The following GRID2 variants were observed in gnomAD, a reference collection of about 807,000 sequenced individuals.
GRID2 encodes glutamate ionotropic receptor delta type subunit 2, also known as glutamate receptor ionotropic, delta-2.
GRID2 carries 33 observed loss-of-function variants against 114.8 expected under a neutral mutation model. The observed-to-expected ratio is 0.29, with a 90% CI of 0.22 to 0.38. The LOEUF (loss-of-function observed/expected upper bound fraction) is 0.38. GRID2 is among the 10% of genes least tolerant of loss of function. The pLI is 1.00. For synonymous variants in GRID2, 505 were observed against 449.9 expected (o/e 1.12, Z -1.55); for missense variants, 1,184 against 1,257.7 (o/e 0.94, Z 0.89).
chr4:93,614,469 A>T (rs1741374262), intron 13 of GRID2, among the ~76,000 whole-genome samples: 2 of 152,226 alleles, frequency 1.3e-5, no homozygotes, highest in South Asian at 4.1e-4. Context: ...ATCAGATCAA[A>T]ACCCATAAAA....
intron 1 of GRID2, among the ~76,000 whole-genome samples, chr4:92,471,926 CTT>C (rs1186215701): frequency 1.0e-3 from 60 of 57,338 alleles, no homozygotes; most frequent in African/African-American, 4.3e-3. Context: ...ATCCATATTT[CTT>C]TTTTTTTTTT....
At chr4:92,562,866 T>G (rs1727163486) in intron 1 of GRID2, among the ~76,000 whole-genome samples, 1 of 152,166 alleles carries the variant, frequency 6.6e-6, no homozygotes, top group Admixed American at 6.6e-5. Context: ...CCTGGCAGAG[T>G]GCCCTGATGC....
At chr4:93,253,033 A>C (rs970678625) in intron 8 of GRID2, among the ~76,000 whole-genome samples, 1 of 151,776 alleles carries the variant, frequency 6.6e-6, no homozygotes, top group Non-Finnish European at 1.5e-5. Context: ...GCAGATCACG[A>C]GGTCAGGAGA....
In GRID2 at chr4:93,439,840, T is replaced by C. The variant is rs536509490; in HGVS notation, c.1546-15822T>C. On this transcript the variant is annotated intron_variant, in intron 10 of 15. Coordinates refer to ENST00000282020, the MANE Select transcript of GRID2 (RefSeq NM_001510.4). ...TGGAGAGGGGCATGCCAGGGGCAGT[T>C]GGGAAGGATCAGGCATTCTTCCCAT... Among the ~76,000 whole-genome samples the C allele has an allele frequency of 9.9e-4, 151 of 152,130 alleles. 1 individual carries two copies. The highest frequency in any genetic ancestry group is 3.6e-3 in the African/African-American group (149 of 41,522).
At chr4:93,195,464 A>G (rs1448767532) in intron 4 of GRID2, among the ~76,000 whole-genome samples, 1 of 151,906 alleles carries the variant, frequency 6.6e-6, no homozygotes, top group Non-Finnish European at 1.5e-5. Context: ...TTCCAGCTCC[A>G]CTGTTTGAGA....
chr4:92,989,745 T>C (rs565913965), intron 2 of GRID2, among the ~76,000 whole-genome samples: 91 of 152,248 alleles, frequency 6.0e-4, no homozygotes, highest in African/African-American at 2.1e-3. Context: ...CTGTTAACAA[T>C]TGAGCCAAAA....
chr4:93,115,276 G>T (rs1733131718), intron 4 of GRID2, among the ~76,000 whole-genome samples: 2 of 151,800 alleles, frequency 1.3e-5, no homozygotes, highest in Non-Finnish European at 2.9e-5. Context: ...AGCATATCCT[G>T]TGTATTTGCA....
At chr4:93,064,259 A>G (rs971721355) in intron 2 of GRID2, among the ~76,000 whole-genome samples, 3 of 151,516 alleles carry the variant, frequency 2.0e-5, no homozygotes, top group African/African-American at 7.3e-5. Context: ...CTTACAGATA[A>G]TAAAATCAAG....
In GRID2 at chr4:93,609,228, G is replaced by T. The variant is rs942967653; in HGVS notation, c.2194-17041G>T. Among the ~76,000 whole-genome samples the T allele has an allele frequency of 1.0e-4, 9 of 86,218 alleles. 1 individual carries two copies. Among genetic ancestry groups the T allele is most frequent in the African/African-American group, 4.2e-4 (9 of 21,628 alleles). 56.6% of individuals were successfully genotyped at this position (86,218 alleles called of 152,430 possible). A position where few individuals can be genotyped will look rare whatever the true frequency, so the allele number is the denominator to read the frequency against. On this transcript the variant is annotated intron_variant, in intron 13 of 15. Transcript: ENST00000282020. Reference sequence around the variant, plus strand: ...TGGATATTAGCCCTTTGTCAGATGAGTAGGTTGCAAAAATTTTCTCCCATG... The same window carrying T: ...TGGATATTAGCCCTTTGTCAGATGATTAGGTTGCAAAAATTTTCTCCCATG...
intron 14 of GRID2, among the ~76,000 whole-genome samples, chr4:93,764,629 T>C (rs73839686): frequency 0.019 from 2,877 of 152,278 alleles, 84 homozygotes; most frequent in African/African-American, 0.066. Context: ...ATCACCATGG[T>C]GTAAAAATAG....
intron 2 of GRID2, among the ~76,000 whole-genome samples, chr4:92,940,958 G>T (rs887204129): frequency 6.6e-6 from 1 of 152,182 alleles, no homozygotes; most frequent in Non-Finnish European, 1.5e-5. Context: ...TGTGCTGCTG[G>T]ATTCGGTTTG....
intron 8 of GRID2, among the ~76,000 whole-genome samples, chr4:93,317,566 CTCTA>C (rs1227619151): frequency 5.3e-5 from 8 of 152,066 alleles, no homozygotes; most frequent in Non-Finnish European, 7.4e-5. Context: ...GGAGAAATTT[CTCTA>C]TCTATTAAAT....
intron 14 of GRID2, among the ~76,000 whole-genome samples, chr4:93,713,581 T>A (rs1412286327): frequency 1.3e-5 from 2 of 150,914 alleles, no homozygotes; most frequent in African/African-American, 4.9e-5. Context: ...TCTAGGGAGG[T>A]ACATTACAAA....
intron 1 of GRID2, among the ~76,000 whole-genome samples, chr4:92,588,737 G>A (rs1728575729): frequency 6.6e-6 from 1 of 151,008 alleles, no homozygotes; most frequent in African/African-American, 2.4e-5. Flanking sequence ...TCTCAGCCAT[G>A]GACAGGTATT....
chr4:93,192,437 A>G (rs907352340), intron 4 of GRID2, among the ~76,000 whole-genome samples: 3 of 152,130 alleles, frequency 2.0e-5, no homozygotes, highest in African/African-American at 7.2e-5. Context: ...AAGGATGGGT[A>G]GGTCTTAAGA....
intron 2 of GRID2, among the ~76,000 whole-genome samples, chr4:92,639,208 A>G (rs992702637): frequency 2.6e-5 from 4 of 151,760 alleles, no homozygotes; most frequent in Non-Finnish European, 4.4e-5. Context: ...CCTAACCAAA[A>G]TAGCATATCT....
intron 13 of GRID2, among the ~76,000 whole-genome samples, chr4:93,553,662 C>G (rs553620719): frequency 6.6e-6 from 1 of 152,160 alleles, no homozygotes; most frequent in Non-Finnish European, 1.5e-5. Flanking sequence ...TATGAACCTA[C>G]TTTTAACTTT....
intron 14 of GRID2, among the ~76,000 whole-genome samples, chr4:93,767,688 T>C (rs1195608444): frequency 1.3e-5 from 2 of 152,156 alleles, no homozygotes; most frequent in African/African-American, 4.8e-5. Flanking sequence ...CAACTTCCAA[T>C]GCACAAAATC....
intron 1 of GRID2, among the ~76,000 whole-genome samples, chr4:92,459,574 C>T (rs1721379365): frequency 6.6e-6 from 1 of 152,010 alleles, no homozygotes; most frequent in Admixed American, 6.6e-5. Flanking sequence ...TCTCTCCTTT[C>T]CTTTCTATTA....
Sources: allele counts gnomAD v4.1 joint callset (sites outside exome capture counted in the v4.1 genomes callset), GRCh38; gene constraint gnomAD v4.1.1; transcripts MANE v1.5; gene names NCBI Gene and HGNC (gene_info 2026-07-23, HGNC 2026-07-21).